Variants in TPSG1 observed in about 807,000 individuals in gnomAD.
The protein encoded by TPSG1 is tryptase gamma.
TPSG1 carries 43 observed loss-of-function variants against 23.8 expected under a neutral mutation model. The ratio of observed to expected loss-of-function variants is 1.81; its 90% confidence interval spans 1.42 to 2.33. The LOEUF (loss-of-function observed/expected upper bound fraction) is 2.33, where lower values mean the gene tolerates loss of function less well. TPSG1 is among the 30% of genes most tolerant of loss of function. The probability of loss-of-function intolerance (pLI) is 0.00; values close to 1 mark genes in which losing one functional copy is unlikely to be tolerated. For missense variants in TPSG1, 623 were observed against 438.6 expected (o/e 1.42, Z -3.75); for synonymous variants, 302 against 201.3 (o/e 1.50, Z -4.23).
intron 4 of TPSG1, 44 bp from the exon 5 acceptor site, chr16:1,222,385 G>A: frequency 1.3e-6 from 2 of 1,516,214 alleles, no homozygotes; most frequent in South Asian, 1.3e-5. Context: ...GGGGCACCAG[G>A]CCCTGCACTG....
In TPSG1 at chr16:1,223,557, C is replaced by T. The variant is rs1247652173; in HGVS notation, c.111G>A (p.Arg37=). Residue 37 remains arginine (R), a synonymous_variant, in exon 3 of 6, where the codon CGG becomes CGA. Transcript: ENST00000234798. The part of the protein sequence containing the change: ...GRPQVSDAGG[R]IVGGHAAPAG... The stretch of plus-strand genomic sequence containing the variant: ...CCGGGGCAGCGTGACCCCCCACGAT[C>T]CGGCCGCCTGCATCCGAAACCTGCG... The T allele has an allele frequency of 2.6e-6, 4 of 1,545,620 alleles. No homozygotes were observed. The highest frequency in any genetic ancestry group is 3.5e-6 in the Non-Finnish European group (4 of 1,147,738).
rs561629578 is a variant in TPSG1, at chr16:1,225,059, C to T, written c.46+148G>A. 7.1e-6 allele frequency: 6 copies of T among 844,598 alleles called. No individual in the cohort carries two copies. In the East Asian group the frequency reaches 1.4e-4, roughly 20 times the overall value. The allele number at this position is 844,598 out of a possible 1,614,324, so 52.3% of individuals were successfully genotyped here. A position where few individuals can be genotyped will look rare whatever the true frequency, so the allele number is the denominator to read the frequency against. ...ACAGCTGGGCCTCCAGCCAGGGGTG[C>T]AGTCTCTTCAGAGGAGACACGGGGC... On this transcript the variant is annotated intron_variant, in intron 1 of 5. Transcript: ENST00000234798.
rs376240221 is a variant in TPSG1, at chr16:1,225,216, C to A, written c.37G>T (p.Ala13Ser). 1 of 1,578,548 alleles carries A rather than the reference C, an allele frequency of 6.3e-7. No individual in the cohort carries two copies. The highest frequency in any genetic ancestry group is 1.8e-5 in the Admixed American group (1 of 54,856). The stretch of plus-strand genomic sequence containing the variant: ...AGGCCAGGTCACCCACCGGGCACAG[C>A]CAGGAGCAGCAGGAGGCCACAGGCC... Reference protein sequence around the residue: ...LGACGLLLLLAVPGVSLRTLQ... With the variant: ...LGACGLLLLLSVPGVSLRTLQ... Residue 13 changes from alanine (A) to serine (S), a missense_variant, in exon 1 of 6, where the codon GCT (alanine) becomes TCT (serine). By Grantham distance (99) the Ala-to-Ser change is moderately conservative. Coordinates refer to ENST00000234798, the MANE Select transcript of TPSG1 (RefSeq NM_012467.4).
chr16:1,222,418 A>C, intron 4 of TPSG1, 77 bp from the exon 5 acceptor site: 1 of 1,363,470 alleles, frequency 7.3e-7, no homozygotes, highest in Non-Finnish European at 1.0e-6. Flanking sequence ...ACCTTGCCAG[A>C]CACAAGTCCC....
Position 1,223,407 on chromosome 16 carries a change from C to G in TPSG1, c.245+16G>C. ...GCCTGGACATTGAGACTGCCCCTGC[C>G]CACCCGGACACTCACCCGGAGAAGC... On this transcript the variant is annotated intron_variant, in intron 3 of 5. Coordinates refer to ENST00000234798, the MANE Select transcript of TPSG1 (RefSeq NM_012467.4). 6 of 1,567,578 alleles carry G rather than the reference C, an allele frequency of 3.8e-6. No individual in the cohort carries two copies. The highest frequency in any genetic ancestry group is 5.2e-6 in the Non-Finnish European group (6 of 1,159,026).
rs773731241 is a variant in TPSG1 at position 1,225,211 on chromosome 16, C to G, written c.42G>C (p.Val14=). 6.3e-7 allele frequency: 1 copy of G among 1,577,928 alleles called. No individual in the cohort carries two copies. Among genetic ancestry groups the G allele is most frequent in the Middle Eastern group, 1.7e-4 (1 of 5,996 alleles). The change falls in exon 1 of 6, where the codon GTG becomes GTC. Residue 14 remains valine, a synonymous_variant. Transcript: ENST00000234798. ...GACGLLLLLA[V]PGVSLRTLQP... ...CACCCAGGCCAGGTCACCCACCGGG[C>G]ACAGCCAGGAGCAGCAGGAGGCCAC...
chr16:1,224,829 C>G (rs2030060157), intron 1 of TPSG1: 1 of 650,018 alleles, frequency 1.5e-6, no homozygotes, highest in African/African-American at 1.8e-5. Flanking sequence ...CCATAAACGG[C>G]AGCTGGAGGC....
intron 2 of TPSG1, 23 bp from the exon 3 acceptor site, chr16:1,223,617 G>C: frequency 2.0e-6 from 3 of 1,528,102 alleles, no homozygotes; most frequent in Non-Finnish European, 2.6e-6. Context: ...AGGAAGGGGT[G>C]CCTGGTGGGG....
chr16:1,222,374 TG>T, intron 4 of TPSG1, 33 bp from the exon 5 acceptor site: 2 of 1,548,390 alleles, frequency 1.3e-6, no homozygotes. Context: ...CAGAGAAGGT[TG>T]GGGCACCAGG....
At chr16:1,224,966 A>C (rs1596488402) in intron 1 of TPSG1, among the ~76,000 whole-genome samples, 3 of 111,948 alleles carry the variant, frequency 2.7e-5, no homozygotes, top group African/African-American at 6.8e-5. Flanking sequence ...CCCAACTACC[A>C]CCCGCCCTGC....
intron 2 of TPSG1, chr16:1,223,943 A>C (rs2030008361): frequency 6.6e-6 from 2 of 301,438 alleles, no homozygotes; most frequent in South Asian, 5.2e-5. Context: ...GTGGCTGCCT[A>C]GTGGGCCCCG....
intron 1 of TPSG1, 34 bp downstream of exon 1, chr16:1,225,173 C>A: frequency 6.4e-7 from 1 of 1,557,644 alleles, no homozygotes; most frequent in Non-Finnish European, 8.7e-7. Context: ...AAGCAGATGC[C>A]CCCCCATCCC....
rs371576786 is a variant in TPSG1 at position 1,222,244 on chromosome 16, G to A, written c.609C>T (p.Ile203=). The change falls in exon 5 of 6, where the codon ATC becomes ATT. Residue 203 remains isoleucine, a synonymous_variant. Transcript: ENST00000234798. Reference sequence around the variant, plus strand: ...GGGCACACAGCATGTCGGGCTGAAGGATGCTGCCCCCGGGGCCGGGATAGT... The same window carrying A: ...GGGCACACAGCATGTCGGGCTGAAGAATGCTGCCCCCGGGGCCGGGATAGT... ...RRDYPGPGGS[I]LQPDMLCARG... 32 of 1,612,244 alleles carry A rather than the reference G, an allele frequency of 2.0e-5. No homozygotes were observed. In the African/African-American group the frequency reaches 3.9e-4, roughly 19 times the overall value.
intron 3 of TPSG1, 46 bp downstream of exon 3, chr16:1,223,377 C>T (rs1281639665): frequency 2.6e-6 from 4 of 1,527,858 alleles, no homozygotes; most frequent in South Asian, 2.5e-5. Context: ...GCATGCCCCA[C>T]TGGGGCCTGG....
chr16:1,222,503 G>C, intron 4 of TPSG1, 149 bp downstream of exon 4: 1 of 1,296,858 alleles, frequency 7.7e-7, no homozygotes, highest in Non-Finnish European at 1.1e-6. Flanking sequence ...CCACACGACA[G>C]GCTTTGAAAA....
intron 3 of TPSG1, 95 bp downstream of exon 3, chr16:1,223,328 C>T (rs999010608): frequency 2.1e-5 from 29 of 1,397,824 alleles, no homozygotes; most frequent in Admixed American, 2.9e-5. Context: ...TCCCAAGCCT[C>T]GGAGTGAGTC....
At chr16:1,222,623 A>G (rs1339020786) in intron 4 of TPSG1, 29 bp downstream of exon 4, 1 of 1,521,946 alleles carries the variant, frequency 6.6e-7, no homozygotes, top group East Asian at 2.3e-5. Flanking sequence ...GCCTTCCTCC[A>G]TCCCAGCATC....
chr16:1,222,504 G>C, intron 4 of TPSG1, 148 bp downstream of exon 4: 1 of 1,296,552 alleles, frequency 7.7e-7, no homozygotes, highest in Non-Finnish European at 1.1e-6. Flanking sequence ...CACACGACAG[G>C]CTTTGAAAAG....
At position 1,222,304 on chromosome 16, in the gene TPSG1, T is replaced by C. The variant is rs1404736043; in HGVS notation, c.549A>G (p.Lys183=). The part of the protein sequence containing the change: ...LPPPYSLREV[K]VSVVDTETCR... ...AGGTCTCTGTGTCCACCACGGAGAC[T>C]TTCACCTCCCGCAGGCTGTACGGGG... The change falls in exon 5 of 6, where the codon AAA becomes AAG. Residue 183 remains lysine, a synonymous_variant. Coordinates refer to ENST00000234798, the MANE Select transcript of TPSG1 (RefSeq NM_012467.4). The C allele has an allele frequency of 3.1e-6, 5 of 1,610,010 alleles. No individual in the cohort carries two copies. The highest frequency in any genetic ancestry group is 4.2e-6 in the Non-Finnish European group (5 of 1,178,788).
Sources: gnomAD v4.1 joint callset for allele counts (sites outside exome capture counted in the v4.1 genomes callset) on GRCh38, gnomAD v4.1.1 for gene constraint, MANE v1.5 for transcripts, NCBI Gene and HGNC (gene_info 2026-07-23, HGNC 2026-07-21) for gene names.